The following FAM13C variants were observed in gnomAD, a reference collection of about 807,000 sequenced individuals.
FAM13C encodes the protein family with sequence similarity 13 member C, also known as protein FAM13C.
FAM13C carries 37 observed loss-of-function variants against 73.2 expected under a neutral mutation model. The observed-to-expected ratio is 0.51, with a 90% CI of 0.39 to 0.67. The LOEUF (loss-of-function observed/expected upper bound fraction) is 0.67. Ranked by LOEUF, FAM13C falls within the 30% of genes least tolerant of loss-of-function variation. FAM13C has a pLI of 0.00. For synonymous variants in FAM13C, 246 were observed against 260.9 expected (o/e 0.94, Z 0.55); for missense variants, 589 against 715.6 (o/e 0.82, Z 2.02).
At chr10:59,307,095 T>C (rs1269414396) in intron 4 of FAM13C, among the ~76,000 whole-genome samples, 1 of 151,996 alleles carries the variant, frequency 6.6e-6, no homozygotes. Context: ...AAACATGTAA[T>C]GTCTTTCATG....
chr10:59,309,654 A>T (rs1048587691), intron 4 of FAM13C, among the ~76,000 whole-genome samples: 2 of 152,136 alleles, frequency 1.3e-5, no homozygotes, highest in African/African-American at 4.8e-5. Flanking sequence ...TTTCTTATAT[A>T]TGTTCTCACT....
At chr10:59,304,127 G>A (rs931892564) in intron 4 of FAM13C, among the ~76,000 whole-genome samples, 5 of 152,130 alleles carry the variant, frequency 3.3e-5, no homozygotes, top group Admixed American at 1.3e-4. Flanking sequence ...CAGCCTGAGC[G>A]ACGGAGTGAG....
intron 1 of FAM13C, among the ~76,000 whole-genome samples, chr10:59,358,379 T>C (rs758509097): frequency 1.3e-5 from 2 of 151,144 alleles, no homozygotes; most frequent in Non-Finnish European, 3.0e-5. Context: ...CTCTGTCTCA[T>C]AAAAAAAAAT....
At chr10:59,304,821 G>C (rs1185923700) in intron 4 of FAM13C, among the ~76,000 whole-genome samples, 1 of 31,484 alleles carries the variant, frequency 3.2e-5, no homozygotes, top group South Asian at 2.1e-3. Context: ...AAGGAAAGGG[G>C]AAGGGGAGGG....
At chr10:59,261,646 C>T (rs1256261554) in intron 10 of FAM13C, among the ~76,000 whole-genome samples, 1 of 151,980 alleles carries the variant, frequency 6.6e-6, no homozygotes, top group African/African-American at 2.4e-5. Context: ...CAGAAAGTGG[C>T]CTACAAGATA....
chr10:59,271,951 C>T (rs904417030), intron 6 of FAM13C, among the ~76,000 whole-genome samples: 1 of 152,122 alleles, frequency 6.6e-6, no homozygotes, highest in Non-Finnish European at 1.5e-5. Flanking sequence ...CTAACAAGGT[C>T]TCTTACTGGT....
intron 6 of FAM13C, among the ~76,000 whole-genome samples, chr10:59,275,266 T>C (rs952906656): frequency 6.6e-6 from 1 of 152,170 alleles, no homozygotes; most frequent in Admixed American, 6.5e-5. Context: ...TCATCTCAAG[T>C]GGCATGAGTT....
At position 59,278,957 on chromosome 10, in the gene FAM13C, G is replaced by A. The variant is rs12572205; in HGVS notation, c.592+4406C>T. On this transcript the variant is annotated intron_variant, in intron 6 of 13. Coordinates refer to ENST00000618804, the MANE Select transcript of FAM13C (RefSeq NM_198215.4). Reference sequence around the variant, plus strand: ...TACTGACTTTCAAAGACTATCTGGGGTTGCCCCCACATAGGCTGAAATATC... The same window carrying A: ...TACTGACTTTCAAAGACTATCTGGGATTGCCCCCACATAGGCTGAAATATC... 6.5e-3 allele frequency among the ~76,000 whole-genome samples: 987 copies of A among 152,278 alleles called. 38 individuals carry two copies. In the East Asian group the frequency reaches 0.11, roughly 17 times the overall value.
At chr10:59,302,077 T>C (rs1847672734) in intron 5 of FAM13C, among the ~76,000 whole-genome samples, 2 of 152,234 alleles carry the variant, frequency 1.3e-5, no homozygotes, top group African/African-American at 4.8e-5. Context: ...GGTCTTTTCA[T>C]TCTCTTTGCT....
intron 3 of FAM13C, among the ~76,000 whole-genome samples, chr10:59,329,412 C>T (rs558522209): frequency 3.1e-5 from 4 of 128,388 alleles, no homozygotes; most frequent in African/African-American, 5.8e-5. Context: ...CAGGCTGGAG[C>T]GCAATGATAC....
intron 4 of FAM13C, among the ~76,000 whole-genome samples, chr10:59,310,998 G>A (rs1210474190): frequency 6.6e-6 from 1 of 152,172 alleles, no homozygotes; most frequent in Non-Finnish European, 1.5e-5. Flanking sequence ...AACGTGCAAG[G>A]GAGGAACTTC....
chr10:59,352,575 G>T, intron 2 of FAM13C, 101 bp from the exon 3 acceptor site: 1 of 1,307,376 alleles, frequency 7.6e-7, no homozygotes, highest in Non-Finnish European at 1.0e-6. Context: ...TATATTTATA[G>T]GATAGACACC....
At position 59,355,834 on chromosome 10, in the gene FAM13C, C is replaced by T. The variant is rs546512380; in HGVS notation, c.119+53G>A. ...TAGAATTCAAAGGAAAGCCACCAGA[C>T]CTAGATGGCTTCTGTCTCTCACAAA... On this transcript the variant is annotated intron_variant, in intron 2 of 13. Transcript: ENST00000618804. The T allele has an allele frequency of 1.9e-5, 28 of 1,503,248 alleles. 1 individual carries two copies. Among genetic ancestry groups the T allele is most frequent in the East Asian group, 1.1e-4 (5 of 44,308 alleles). 93.1% of individuals were successfully genotyped at this position (1,503,248 alleles called of 1,614,324 possible). A position where few individuals can be genotyped will look rare whatever the true frequency, so the allele number is the denominator to read the frequency against.
At chr10:59,361,198 C>A in intron 1 of FAM13C, 2 of 880,786 alleles carry the variant, frequency 2.3e-6, no homozygotes, top group Non-Finnish European at 3.1e-6. Flanking sequence ...ATTGCTTCTT[C>A]TAAAGTCAAT....
At chr10:59,262,398 C>T (rs1266863481) in intron 10 of FAM13C, 36 bp downstream of exon 10, 2 of 1,581,684 alleles carry the variant, frequency 1.3e-6, no homozygotes, top group South Asian at 1.1e-5. Flanking sequence ...GTGTGGACTA[C>T]AGGGGCCCTC....
intron 3 of FAM13C, among the ~76,000 whole-genome samples, chr10:59,343,949 CTTTTTTT>C (rs541994046): frequency 6.9e-6 from 1 of 145,202 alleles, no homozygotes; most frequent in Non-Finnish European, 1.5e-5. Flanking sequence ...TAAACTATTT[CTTTTTTT>C]TTTTCTTTTT....
chr10:59,360,157 A>G (rs1449825590), intron 1 of FAM13C, among the ~76,000 whole-genome samples: 1 of 152,212 alleles, frequency 6.6e-6, no homozygotes, highest in South Asian at 2.1e-4. Context: ...CAGCTGGCCA[A>G]GCATAACCAT....
At chr10:59,290,689 A>G (rs1846120344) in intron 5 of FAM13C, among the ~76,000 whole-genome samples, 1 of 152,060 alleles carries the variant, frequency 6.6e-6, no homozygotes, top group Admixed American at 6.5e-5. Flanking sequence ...TTTCCTTCAC[A>G]AGGCTCGCCA....
chr10:59,340,235 A>G (rs1362812471), intron 3 of FAM13C, among the ~76,000 whole-genome samples: 2 of 152,206 alleles, frequency 1.3e-5, no homozygotes, highest in Non-Finnish European at 2.9e-5. Flanking sequence ...ATTTTTTTTA[A>G]AAAGAGTCTG....
Sources: allele counts gnomAD v4.1 joint callset (sites outside exome capture counted in the v4.1 genomes callset), GRCh38; gene constraint gnomAD v4.1.1; transcripts MANE v1.5; gene names NCBI Gene and HGNC (gene_info 2026-07-23, HGNC 2026-07-21).